Variants in NELL2 observed in about 807,000 individuals in gnomAD.
The protein encoded by NELL2 is neural EGFL like 2, also known as protein kinase C-binding protein NELL2.
Under a neutral mutation model 109.6 loss-of-function variants are expected in NELL2, and 41 were observed. The ratio of observed to expected loss-of-function variants is 0.37; its 90% CI spans 0.29 to 0.49. The LOEUF is 0.49. Ranked by LOEUF, NELL2 falls within the 20% of genes least tolerant of loss-of-function variation. The pLI, the probability that NELL2 is intolerant of heterozygous loss-of-function variation, is 0.98. For synonymous variants in NELL2, 355 were observed against 344.7 expected (o/e 1.03, Z -0.33); for missense variants, 900 against 1,008.3 (o/e 0.89, Z 1.45).
chr12:44,615,206 T>C (rs1160890584), intron 13 of NELL2, among the ~76,000 whole-genome samples: 1 of 152,040 alleles, frequency 6.6e-6, no homozygotes, highest in Non-Finnish European at 1.5e-5. Context: ...AATGACTTCT[T>C]GGAGAACAAA....
At chr12:44,529,275 G>A (rs1239689306) in intron 16 of NELL2, among the ~76,000 whole-genome samples, 1 of 152,144 alleles carries the variant, frequency 6.6e-6, no homozygotes, top group African/African-American at 2.4e-5. Context: ...TGTATGGAAT[G>A]TGAGATATGA....
intron 15 of NELL2, among the ~76,000 whole-genome samples, chr12:44,585,796 G>A (rs1028021829): frequency 7.2e-5 from 11 of 151,874 alleles, no homozygotes; most frequent in Admixed American, 1.3e-4. Context: ...GGGGGAGGGA[G>A]AATGTTACTG....
chr12:44,642,643 A>C (rs1946904686), intron 13 of NELL2, among the ~76,000 whole-genome samples: 1 of 152,226 alleles, frequency 6.6e-6, no homozygotes, highest in Non-Finnish European at 1.5e-5. Context: ...GCACTCTGGG[A>C]TGCTGAGGCG....
At chr12:44,895,741 G>T (rs1448400159) in intron 1 of NELL2, among the ~76,000 whole-genome samples, 1 of 151,892 alleles carries the variant, frequency 6.6e-6, no homozygotes, top group Non-Finnish European at 1.5e-5. Flanking sequence ...ACTTTAATTA[G>T]ATATTACCAC....
At chr12:44,527,815 C>G (rs901942959) in intron 16 of NELL2, among the ~76,000 whole-genome samples, 1 of 151,862 alleles carries the variant, frequency 6.6e-6, no homozygotes, top group Non-Finnish European at 1.5e-5. Context: ...TCCTTCATGC[C>G]GGGCACGCTG....
chr12:44,883,832 T>C (rs996255164), intron 1 of NELL2, among the ~76,000 whole-genome samples: 3 of 151,896 alleles, frequency 2.0e-5, no homozygotes, highest in Non-Finnish European at 4.4e-5. Flanking sequence ...AATAAAGATA[T>C]AGTTAAGAGA....
chr12:44,807,844 G>C (rs1305145570), intron 3 of NELL2, among the ~76,000 whole-genome samples: 1 of 152,006 alleles, frequency 6.6e-6, no homozygotes, highest in Non-Finnish European at 1.5e-5. Context: ...CACCAAGTTG[G>C]TTTCCAAAAC....
At chr12:44,590,318 T>C (rs1419318899) in intron 15 of NELL2, among the ~76,000 whole-genome samples, 1 of 152,170 alleles carries the variant, frequency 6.6e-6, no homozygotes, top group Non-Finnish European at 1.5e-5. Flanking sequence ...TTCCCAGTTG[T>C]TAAAGCCAAT....
intron 9 of NELL2, among the ~76,000 whole-genome samples, chr12:44,744,935 C>A (rs1249518777): frequency 6.6e-6 from 1 of 152,152 alleles, no homozygotes; most frequent in African/African-American, 2.4e-5. Flanking sequence ...AAGAGGGAAT[C>A]CTCCCTAACT....
intron 3 of NELL2, among the ~76,000 whole-genome samples, chr12:44,791,113 A>ACG (rs1942393132): frequency 1.0e-4 from 1 of 9,970 alleles, no homozygotes; most frequent in African/African-American, 3.6e-4. Flanking sequence ...ATATATGTAT[A>ACG]TATATATGTA....
chr12:44,625,601 AGCAGGTTGG>A (rs2136278013), intron 13 of NELL2, among the ~76,000 whole-genome samples: 2 of 152,038 alleles, frequency 1.3e-5, no homozygotes, highest in African/African-American at 4.8e-5. Context: ...AAAAAAATGG[AGCAGGTTGG>A]CATGATACAT....
chr12:44,854,841 T>C (rs1435130708), intron 2 of NELL2, among the ~76,000 whole-genome samples: 1 of 152,094 alleles, frequency 6.6e-6, no homozygotes, highest in Non-Finnish European at 1.5e-5. Flanking sequence ...GTTGAAAGCA[T>C]TTATCTTAAA....
intron 3 of NELL2, among the ~76,000 whole-genome samples, chr12:44,799,506 G>A (rs1239648183): frequency 1.4e-5 from 1 of 70,284 alleles, no homozygotes; most frequent in Non-Finnish European, 3.5e-5. Context: ...AAGTATGGTA[G>A]GTTGAGAAGG....
intron 2 of NELL2, among the ~76,000 whole-genome samples, chr12:44,871,569 C>T (rs1945162380): frequency 6.6e-6 from 1 of 152,142 alleles, no homozygotes. Context: ...CTAAGTGCAT[C>T]TCTTAAACAC....
In NELL2 at chr12:44,747,408, C is replaced by A. The variant is rs79587281; in HGVS notation, c.994+27339G>T. ...GGCACATGTATACATATGTAACAAA[C>A]CTGCACGTTGTGCACATGTACCCTA... is the stretch of plus-strand genomic sequence containing the variant. On this transcript the variant is annotated intron_variant, in intron 9 of 19. Coordinates refer to ENST00000429094, the MANE Select transcript of NELL2 (RefSeq NM_001145108.2). Among the ~76,000 whole-genome samples the A allele has an allele frequency of 8.6e-5, 13 of 151,874 alleles. No individual in the cohort carries two copies. In the East Asian group the frequency reaches 2.5e-3, roughly 29 times the overall value.
At chr12:44,828,115 T>A (rs1476011047) in intron 2 of NELL2, among the ~76,000 whole-genome samples, 1 of 152,222 alleles carries the variant, frequency 6.6e-6, no homozygotes, top group African/African-American at 2.4e-5. Flanking sequence ...TGACTTCTTC[T>A]GAGAAATGTC....
intron 9 of NELL2, among the ~76,000 whole-genome samples, chr12:44,759,223 C>T (rs945536852): frequency 2.0e-5 from 3 of 152,310 alleles, no homozygotes; most frequent in South Asian, 2.1e-4. Flanking sequence ...TATTAAAAAA[C>T]TGTAGAAAAG....
At chr12:44,823,903 T>C (rs896839382) in intron 2 of NELL2, among the ~76,000 whole-genome samples, 1 of 152,236 alleles carries the variant, frequency 6.6e-6, no homozygotes. Flanking sequence ...ATACTTGTTA[T>C]CATAGGTCTT....
chr12:44,907,478 C>T (rs1302222906), intron 1 of NELL2, among the ~76,000 whole-genome samples: 3 of 151,952 alleles, frequency 2.0e-5, no homozygotes, highest in African/African-American at 7.3e-5. Flanking sequence ...GATATTTGGC[C>T]TTTGGATTTA....
Sources: allele counts gnomAD v4.1 joint callset (sites outside exome capture counted in the v4.1 genomes callset), GRCh38; gene constraint gnomAD v4.1.1; transcripts MANE v1.5; gene names NCBI Gene and HGNC (gene_info 2026-07-23, HGNC 2026-07-21).